The following SNX25 variants were observed in gnomAD, a reference collection of about 807,000 sequenced individuals.
SNX25 encodes the protein sorting nexin-25.
In SNX25, 62 loss-of-function variants were observed where a neutral mutation model predicts 113.7. The observed-to-expected ratio is 0.55, with a 90% CI of 0.44 to 0.67. The LOEUF (loss-of-function observed/expected upper bound fraction) is 0.67. Ranked by LOEUF, SNX25 falls within the 30% of genes least tolerant of loss-of-function variation. SNX25 has a pLI of 0.00. For synonymous variants in SNX25, 421 were observed against 436.2 expected, an observed-to-expected ratio of 0.97 and a Z score of 0.43; for missense variants, 1,014 against 1,161.0, an observed-to-expected ratio of 0.87 and a Z score of 1.84.
Position 185,209,967 on chromosome 4 carries a change from G to A in SNX25, c.141G>A (p.Ala47=), listed in dbSNP as rs1737474969. Residue 47 remains alanine, a synonymous_variant, in exon 1 of 19, where the codon GCG becomes GCA. Coordinates refer to ENST00000652585, the MANE Select transcript of SNX25 (RefSeq NM_001378034.2). The surrounding 1 kb of genome is among the most constrained non-coding windows in gnomAD (Gnocchi z 5.2). ...GGGACGCGGAGGCAGCAGCAGCGGC[G>A]GCGCCGGGGGCCCCGGGCGGCCGGA... is the stretch of plus-strand genomic sequence containing the variant. ...SPGDAEAAAA[A]APGAPGGRSW... is the part of the protein sequence containing the mutation. The A allele has an allele frequency of 2.0e-6, 2 of 983,452 alleles. No homozygotes were observed. The highest frequency in any genetic ancestry group is 4.6e-5 in the South Asian group (1 of 21,638). 60.9% of individuals were successfully genotyped at this position (983,452 alleles called of 1,614,324 possible).
At chr4:185,235,659 A>G (rs145828735) in intron 1 of SNX25, among the ~76,000 whole-genome samples, 1 of 152,212 alleles carries the variant, frequency 6.6e-6, no homozygotes, top group African/African-American at 2.4e-5. Context: ...TGTGAAACCA[A>G]GGTGGGAGGA....
chr4:185,363,575 T>G lies in SNX25; in HGVS notation c.*110T>G. 1.0e-6 allele frequency: 1 copy of G among 971,176 alleles called. No individual in the cohort carries two copies. Among genetic ancestry groups the G allele is most frequent in the South Asian group, 1.5e-5 (1 of 66,248 alleles). 60.2% of individuals were successfully genotyped at this position (971,176 alleles called of 1,614,324 possible). A position where few individuals can be genotyped will look rare whatever the true frequency, so the allele number is the denominator to read the frequency against. On this transcript the variant is annotated 3_prime_UTR_variant, in exon 19 of 19. Coordinates refer to ENST00000652585, the MANE Select transcript of SNX25 (RefSeq NM_001378034.2). This position sits in a 1 kb window ranked among gnomAD's most constrained non-coding sequence, Gnocchi z 4.2. ...AGAACCGTATTGATTTTTATTTTAG[T>G]TACCTCCCTCTAGTTTTATGTGAAA...
chr4:185,376,972 CT>C, the SNX25 span: 2 of 1,614,060 alleles, frequency 1.2e-6, no homozygotes, highest in Non-Finnish European at 1.7e-6. Flanking sequence ...GTATTCTTTC[CT>C]TCAAGAGCTG....
intron 5 of SNX25, among the ~76,000 whole-genome samples, chr4:185,278,304 C>G (rs1423905619): frequency 1.3e-5 from 2 of 152,212 alleles, no homozygotes; most frequent in Non-Finnish European, 2.9e-5. Context: ...CAGGTAGACC[C>G]TGGCCAAGAG....
At chr4:185,259,560 AT>A (rs1388700573) in intron 3 of SNX25, among the ~76,000 whole-genome samples, 2 of 152,178 alleles carry the variant, frequency 1.3e-5, no homozygotes. Context: ...AGTAGCTAGT[AT>A]TTAGGCTTGT....
chr4:185,370,793 A>T, downstream of SNX25: 1 of 1,614,172 alleles, frequency 6.2e-7, no homozygotes, highest in Non-Finnish European at 8.5e-7. Flanking sequence ...GGATGTCGTG[A>T]ACCTCATCAT....
downstream of SNX25, among the ~76,000 whole-genome samples, chr4:185,368,126 C>T (rs1292851164): frequency 6.6e-6 from 1 of 152,062 alleles, no homozygotes; most frequent in East Asian, 1.9e-4. Flanking sequence ...TGCAGAGAGC[C>T]GAGATTGCGC....
intron 5 of SNX25, among the ~76,000 whole-genome samples, chr4:185,272,882 T>C (rs1749150934): frequency 6.6e-6 from 1 of 152,230 alleles, no homozygotes; most frequent in South Asian, 2.1e-4. Flanking sequence ...ATTTTTAACC[T>C]AAGGTTTCTC....
At chr4:185,265,066 A>G (rs6848137) in intron 4 of SNX25, among the ~76,000 whole-genome samples, 5 of 152,036 alleles carry the variant, frequency 3.3e-5, no homozygotes, top group African/African-American at 7.2e-5. Context: ...TCCTGGGTTC[A>G]AGTGATCCTC....
intron 6 of SNX25, among the ~76,000 whole-genome samples, chr4:185,309,976 C>A (rs1755017379): frequency 6.6e-6 from 1 of 152,224 alleles, no homozygotes; most frequent in African/African-American, 2.4e-5. Context: ...GCTCTAACGG[C>A]CTTCTTTCAG....
In SNX25 at chr4:185,232,994, G is replaced by A. The variant is rs1174143130; in HGVS notation, c.430-14300G>A. Among the ~76,000 whole-genome samples the A allele has an allele frequency of 6.6e-6, 1 of 152,126 alleles. No homozygotes were observed. The highest frequency in any genetic ancestry group is 1.5e-5 in the Non-Finnish European group (1 of 68,024). On this transcript the variant is annotated intron_variant, in intron 1 of 18. Coordinates refer to ENST00000652585, the MANE Select transcript of SNX25 (RefSeq NM_001378034.2). This position sits in a 1 kb window ranked among gnomAD's most constrained non-coding sequence, Gnocchi z 4.4. ...TTATGAGTTTCCATCAAAAATAAAT[G>A]AAGCCAAGGCTGGGTGTGGTAGCTC...
chr4:185,280,704 C>T (rs891858436), intron 5 of SNX25, among the ~76,000 whole-genome samples: 3 of 152,136 alleles, frequency 2.0e-5, no homozygotes, highest in Non-Finnish European at 4.4e-5. Flanking sequence ...CATAATGATA[C>T]CCTTCTTTGT....
chr4:185,366,344 G>T (rs1313315933), downstream of SNX25: 1 of 152,164 alleles, frequency 6.6e-6, no homozygotes, highest in African/African-American at 2.4e-5. Flanking sequence ...GAAGCACAAA[G>T]AAACAATTTG....
At chr4:185,235,794 G>T (rs1742528768) in intron 1 of SNX25, among the ~76,000 whole-genome samples, 1 of 152,228 alleles carries the variant, frequency 6.6e-6, no homozygotes, top group Non-Finnish European at 1.5e-5. Context: ...AGCTGTTTGG[G>T]AGGCTGAGGT....
chr4:185,344,665 T>A (rs1319262035), intron 12 of SNX25, among the ~76,000 whole-genome samples: 1 of 150,780 alleles, frequency 6.6e-6, no homozygotes, highest in African/African-American at 2.5e-5. Context: ...AAACAAAGTT[T>A]GAAAACACGG....
At chr4:185,283,411 T>C (rs1750921305) in intron 5 of SNX25, among the ~76,000 whole-genome samples, 1 of 152,198 alleles carries the variant, frequency 6.6e-6, no homozygotes, top group South Asian at 2.1e-4. Flanking sequence ...ACAGGAGTAC[T>C]GTTAAGGAGA....
chr4:185,306,253 T>A (rs1754454647), intron 6 of SNX25, among the ~76,000 whole-genome samples: 1 of 152,254 alleles, frequency 6.6e-6, no homozygotes, highest in Non-Finnish European at 1.5e-5. Flanking sequence ...CGTTAGTCAT[T>A]TAGCTCTGAA....
chr4:185,268,641 G>A (rs961594400), intron 5 of SNX25, among the ~76,000 whole-genome samples: 6 of 152,156 alleles, frequency 3.9e-5, no homozygotes, highest in Admixed American at 6.6e-5. Context: ...TGAATTAGTC[G>A]AGGTTTTTAA....
At chr4:185,265,775 T>C (rs907255234) in intron 4 of SNX25, among the ~76,000 whole-genome samples, 1 of 152,170 alleles carries the variant, frequency 6.6e-6, no homozygotes, top group African/African-American at 2.4e-5. Context: ...TGTGCTGTAT[T>C]TTTATACTAT....
Sources: gnomAD v4.1 joint callset for allele counts (sites outside exome capture counted in the v4.1 genomes callset) on GRCh38, gnomAD v4.1.1 for gene constraint, Gnocchi (gnomAD v3.1) non-coding constraint, MANE v1.5 for transcripts, NCBI Gene and HGNC (gene_info 2026-07-23, HGNC 2026-07-21) for gene names.